STPG2: variants seen among roughly 807,000 people sequenced by gnomAD.
STPG2 encodes sperm tail PG-rich repeat containing 2.
In STPG2, 56 loss-of-function variants were observed where a neutral mutation model predicts 54.2. The ratio of observed to expected loss-of-function variants is 1.03; its 90% confidence interval spans 0.83 to 1.29. The LOEUF (loss-of-function observed/expected upper bound fraction) is 1.29. STPG2 is among the 50% of genes most tolerant of loss of function. The probability of loss-of-function intolerance (pLI) is 0.00; values close to 1 mark genes in which losing one functional copy is unlikely to be tolerated. For synonymous variants in STPG2, 200 were observed against 181.8 expected (o/e 1.10, Z -0.81); for missense variants, 596 against 544.9 (o/e 1.09, Z -0.93).
chr4:97,510,991 G>A (rs886400115), intron 4 of STPG2, among the ~76,000 whole-genome samples: 2 of 151,364 alleles, frequency 1.3e-5, no homozygotes, highest in African/African-American at 4.9e-5. Context: ...AGCTAACAAA[G>A]GAGAAAAACT....
chr4:97,614,507 A>G (rs1199208561), intron 10 of STPG2, among the ~76,000 whole-genome samples: 1 of 152,108 alleles, frequency 6.6e-6, no homozygotes, highest in South Asian at 2.1e-4. Context: ...CTCTCATATT[A>G]CACAGATGTT....
chr4:97,736,075 TTATACACTGTTGGTGGAAATGTAGA>T (rs755312155), intron 9 of STPG2, among the ~76,000 whole-genome samples: 1 of 152,164 alleles, frequency 6.6e-6, no homozygotes, highest in Non-Finnish European at 1.5e-5. Flanking sequence ...AGGAGAACCC[TTATACACTGTTGGTGGAAATGTAGA>T]TTGGTACAGC....
chr4:97,820,982 C>T (rs1445696002), intron 9 of STPG2, among the ~76,000 whole-genome samples: 1 of 152,178 alleles, frequency 6.6e-6, no homozygotes, highest in Non-Finnish European at 1.5e-5. Context: ...ATGTTCTTCT[C>T]ACATTGCAAA....
chr4:97,706,890 G>T (rs2149002665), intron 10 of STPG2, among the ~76,000 whole-genome samples: 1 of 152,214 alleles, frequency 6.6e-6, no homozygotes, highest in African/African-American at 2.4e-5. Context: ...GCTTTTTAAA[G>T]AAGAAAATAT....
intron 10 of STPG2, among the ~76,000 whole-genome samples, chr4:97,707,346 C>G (rs1389030918): frequency 6.6e-6 from 1 of 151,888 alleles, no homozygotes; most frequent in African/African-American, 2.4e-5. Flanking sequence ...AGGGCAAAAC[C>G]CCATCTCTGC....
At chr4:97,590,100 C>T (rs891246325) in intron 10 of STPG2, among the ~76,000 whole-genome samples, 9 of 151,998 alleles carry the variant, frequency 5.9e-5, no homozygotes, top group East Asian at 1.9e-4. Context: ...GTTATAGGTG[C>T]TTAAATTTAG....
chr4:97,785,960 T>C (rs1726810435), intron 9 of STPG2, among the ~76,000 whole-genome samples: 1 of 152,118 alleles, frequency 6.6e-6, no homozygotes, highest in Non-Finnish European at 1.5e-5. Flanking sequence ...GTTGCTACCA[T>C]AGCTGTGGCT....
At chr4:97,442,217 G>T (rs1057424972) in intron 4 of STPG2, among the ~76,000 whole-genome samples, 5 of 147,058 alleles carry the variant, frequency 3.4e-5, no homozygotes, top group African/African-American at 2.5e-5. Context: ...TACATGACAT[G>T]TTTTTTTTTG....
intron 4 of STPG2, among the ~76,000 whole-genome samples, chr4:97,553,765 G>A (rs1448145329): frequency 6.6e-6 from 1 of 152,134 alleles, no homozygotes; most frequent in African/African-American, 2.4e-5. Context: ...AGGCAGCTCT[G>A]ATTAACTATG....
intron 1 of STPG2, among the ~76,000 whole-genome samples, chr4:98,139,662 T>C (rs190575257): frequency 2.2e-4 from 33 of 151,742 alleles, no homozygotes; most frequent in African/African-American, 8.0e-4. Context: ...TATCAGCATA[T>C]TCTTAGTATT....
intron 3 of STPG2, among the ~76,000 whole-genome samples, chr4:98,122,163 C>T (rs1041677854): frequency 6.6e-6 from 1 of 152,168 alleles, no homozygotes; most frequent in Non-Finnish European, 1.5e-5. Flanking sequence ...AATTTGACTT[C>T]CTCTCTTCTT....
intron 10 of STPG2, among the ~76,000 whole-genome samples, chr4:97,566,413 C>T (rs1022945123): frequency 2.0e-5 from 3 of 152,198 alleles, no homozygotes; most frequent in African/African-American, 7.2e-5. Flanking sequence ...CCTCGCCCTG[C>T]TTCGGCTAGC....
intron 4 of STPG2, among the ~76,000 whole-genome samples, chr4:97,490,603 G>A (rs922008432): frequency 6.6e-6 from 1 of 151,486 alleles, no homozygotes; most frequent in African/African-American, 2.4e-5. Context: ...GTACCTCCTG[G>A]TTTCACTGTT....
chr4:97,861,104 G>A (rs900988659), intron 8 of STPG2, among the ~76,000 whole-genome samples: 1 of 152,002 alleles, frequency 6.6e-6, no homozygotes, highest in Non-Finnish European at 1.5e-5. Flanking sequence ...CATCTGTTAG[G>A]GGATTAATAA....
chr4:97,930,958 G>A (rs1016044285), intron 8 of STPG2, among the ~76,000 whole-genome samples: 13 of 152,100 alleles, frequency 8.5e-5, no homozygotes, highest in Admixed American at 7.2e-4. Context: ...TTGTGAATGA[G>A]TTCATTTGTG....
intron 8 of STPG2, among the ~76,000 whole-genome samples, chr4:97,919,566 G>T (rs1732018000): frequency 6.6e-6 from 1 of 151,822 alleles, no homozygotes; most frequent in Non-Finnish European, 1.5e-5. Flanking sequence ...AAATATATTT[G>T]GCAATTTGAA....
At chr4:97,700,589 C>A (rs1723741714) in intron 10 of STPG2, among the ~76,000 whole-genome samples, 1 of 152,306 alleles carries the variant, frequency 6.6e-6, no homozygotes, top group East Asian at 1.9e-4. Context: ...AGTGTCTCAC[C>A]AATAAGTCCA....
intron 9 of STPG2, among the ~76,000 whole-genome samples, chr4:97,770,333 G>C (rs1032262367): frequency 6.6e-6 from 1 of 152,152 alleles, no homozygotes; most frequent in Non-Finnish European, 1.5e-5. Context: ...GCTGAGATCT[G>C]AACAGAGACC....
chr4:97,619,524 G>GGT lies in STPG2; in HGVS notation c.1321-60408_1321-60407insAC, dbSNP rs1733954854. 2.1e-5 allele frequency among the ~76,000 whole-genome samples: 3 copies of GGT among 142,438 alleles called. No individual in the cohort carries two copies. In the South Asian group the frequency reaches 6.7e-4, roughly 32 times the overall value. 93.4% of individuals were successfully genotyped at this position (142,438 alleles called of 152,430 possible). ...GATAATATTTTGACATGATTCCAGT[G>GGT]TTTTTTTTTTTTTTCTCACCTCTGG... On this transcript the variant is annotated intron_variant, in intron 10 of 10. Transcript: ENST00000295268.
Sources: gnomAD v4.1 joint callset for allele counts (sites outside exome capture counted in the v4.1 genomes callset) on GRCh38, gnomAD v4.1.1 for gene constraint, MANE v1.5 for transcripts, NCBI Gene and HGNC (gene_info 2026-07-23, HGNC 2026-07-21) for gene names.